Variants in TTI1 observed in about 807,000 individuals in gnomAD.
The protein encoded by TTI1 is TELO2 interacting protein 1, also known as TELO2-interacting protein 1 homolog.
TTI1 carries 52 observed loss-of-function variants against 85.4 expected under a neutral mutation model. The ratio of observed to expected loss-of-function variants is 0.61; its 90% confidence interval spans 0.49 to 0.77. The LOEUF is 0.77. TTI1 is among the 30% of genes least tolerant of loss of function. The pLI is 0.00. For synonymous variants in TTI1, 512 were observed against 503.9 expected, an observed-to-expected ratio of 1.02 and a Z score of -0.22; for missense variants, 1,173 against 1,296.0, an observed-to-expected ratio of 0.91 and a Z score of 1.46.
intron 6 of TTI1, 81 bp downstream of exon 6, chr20:37,996,668 C>T: frequency 6.7e-7 from 1 of 1,500,370 alleles, no homozygotes. Flanking sequence ...GGGAGGGGGG[C>T]ACGACTGAGC....
At chr20:38,027,386 ACT>A in intron 1 of TTI1, among the ~76,000 whole-genome samples, 1 of 152,182 alleles carries the variant, frequency 6.6e-6, no homozygotes, top group East Asian at 1.9e-4. Flanking sequence ...GTTATCTTTT[ACT>A]TTTTATTTTT....
intron 1 of TTI1, among the ~76,000 whole-genome samples, chr20:38,023,234 C>T (rs1282958212): frequency 6.6e-6 from 1 of 152,180 alleles, no homozygotes; most frequent in Admixed American, 6.5e-5. Context: ...TGGGATTCAT[C>T]TCAAGCCCGC....
intron 2 of TTI1, among the ~76,000 whole-genome samples, chr20:38,010,226 C>A (rs73096501): frequency 6.6e-6 from 1 of 152,186 alleles, no homozygotes; most frequent in African/African-American, 2.4e-5. Context: ...ACTGTCCCTG[C>A]CCCAGTTACC....
At chr20:38,002,155 A>C (rs931388226) in intron 4 of TTI1, among the ~76,000 whole-genome samples, 3 of 152,096 alleles carry the variant, frequency 2.0e-5, no homozygotes, top group African/African-American at 7.2e-5. Context: ...TATTGCAGTC[A>C]CTACTACATG....
At chr20:38,004,497 C>A (rs2073470302) in intron 3 of TTI1, among the ~76,000 whole-genome samples, 1 of 152,152 alleles carries the variant, frequency 6.6e-6, no homozygotes, top group Admixed American at 6.5e-5. Flanking sequence ...AGAAAGGGAC[C>A]TCAGATATAC....
At chr20:37,996,583 T>A (rs920058261) in intron 6 of TTI1, 121 bp from the exon 7 acceptor site, 12 of 1,408,570 alleles carry the variant, frequency 8.5e-6, no homozygotes, top group South Asian at 8.4e-5. Flanking sequence ...CTCTACTCCA[T>A]CCCGCCAAAG....
intron 1 of TTI1, among the ~76,000 whole-genome samples, chr20:38,024,283 A>G (rs2073808308): frequency 6.6e-6 from 1 of 152,108 alleles, no homozygotes; most frequent in African/African-American, 2.4e-5. Flanking sequence ...AATTCTGTTC[A>G]CACACACACA....
intron 1 of TTI1, among the ~76,000 whole-genome samples, chr20:38,014,883 G>C (rs2073658503): frequency 6.6e-6 from 1 of 152,226 alleles, no homozygotes; most frequent in Non-Finnish European, 1.5e-5. Flanking sequence ...TGGGGAAGCA[G>C]AGCATGCTGG....
Position 38,001,084 on chromosome 20 carries a change from C to T in TTI1, c.2652+1544G>A, listed in dbSNP as rs577009281. Among the ~76,000 whole-genome samples, 6 of 152,254 alleles carry T rather than the reference C, an allele frequency of 3.9e-5. No homozygotes were observed. The East Asian group carries it at 5.8e-4, about 15-fold the overall frequency. Reference sequence around the variant, plus strand: ...CCAATATGTATGAGTCTGTGTATTGCCTCTCTCCCCACAAAAGACAGGGAG... The same window carrying T: ...CCAATATGTATGAGTCTGTGTATTGTCTCTCTCCCCACAAAAGACAGGGAG... On this transcript the variant is annotated intron_variant, in intron 4 of 7. Coordinates refer to ENST00000373447, the MANE Select transcript of TTI1 (RefSeq NM_001303457.2).
intron 7 of TTI1, among the ~76,000 whole-genome samples, chr20:37,984,317 G>T (rs2073162252): frequency 6.6e-6 from 1 of 152,196 alleles, no homozygotes; most frequent in African/African-American, 2.4e-5. Context: ...GTAACCTTTG[G>T]CAGAGATAGA....
At chr20:38,011,484 A>C (rs2073586239) in intron 2 of TTI1, 31 bp downstream of exon 2, 1 of 1,604,328 alleles carries the variant, frequency 6.2e-7, no homozygotes, top group African/African-American at 1.3e-5. Context: ...TGTCCCCCAC[A>C]CATCAGCATT....
At chr20:38,005,743 C>T (rs2073486801) in intron 3 of TTI1, 1 of 152,116 alleles carries the variant, frequency 6.6e-6, no homozygotes, top group African/African-American at 2.4e-5. Context: ...ATATCCTTGA[C>T]CCAGAAATCC....
At position 38,011,557 on chromosome 20, in the gene TTI1, C is replaced by A. The variant is rs1395487478; in HGVS notation, c.2260G>T (p.Ala754Ser). ...GCATGCAGAACGCTGACAAAGGAAGCAGCTCTCTTATCGTAAAATTGGTCC... is the reference window on the plus strand; with the variant it reads ...GCATGCAGAACGCTGACAAAGGAAGAAGCTCTCTTATCGTAAAATTGGTCC... ...TLDQFYDKRA[A>S]SFVSVLHALM... Residue 754 changes from alanine (A) to serine (S), a missense_variant, in exon 2 of 8, where the codon GCT becomes TCT. Transcript: ENST00000373447. 3.7e-6 allele frequency: 6 copies of A among 1,614,076 alleles called. No homozygotes were observed. The highest frequency in any genetic ancestry group is 8.5e-7 in the Non-Finnish European group (1 of 1,180,030).
At chr20:38,031,961 G>C (rs1328936291) in intron 1 of TTI1, among the ~76,000 whole-genome samples, 1 of 152,208 alleles carries the variant, frequency 6.6e-6, no homozygotes, top group Non-Finnish European at 1.5e-5. Flanking sequence ...GTATATGACA[G>C]TGTTATTAAT....
At chr20:38,017,404 T>TTGTGTGTGTGTGTG (rs66542554) in intron 1 of TTI1, among the ~76,000 whole-genome samples, 130 of 146,240 alleles carry the variant, frequency 8.9e-4, no homozygotes, top group African/African-American at 2.7e-3. Context: ...AATCAATAGC[T>TTGTGTGTGTGTGTG]TGTGTGTGTG....
chr20:38,029,107 A>C (rs1386752020), intron 1 of TTI1, among the ~76,000 whole-genome samples: 4 of 152,168 alleles, frequency 2.6e-5, no homozygotes, highest in African/African-American at 9.7e-5. Context: ...ACAGAGTGAC[A>C]TTCCCCAGCC....
chr20:37,987,523 T>C, intron 7 of TTI1: 1 of 371,048 alleles, frequency 2.7e-6, no homozygotes, highest in Non-Finnish European at 5.3e-6. Flanking sequence ...CAGGCCCAAA[T>C]CAGTGGCTCC....
Position 38,013,726 on chromosome 20 carries a change from CCA to C in TTI1, c.89_90del (p.Val30GlyfsTer12), listed in dbSNP as rs1306431517. On this transcript the variant is annotated frameshift_variant, in exon 2 of 8. Transcript: ENST00000373447. LOFTEE classifies it high-confidence loss of function. ...QLTKTQTVEN[V>X]EHLQTRLQAV... is the part of the protein sequence containing the mutation. ...GCTTGTAGTCGTGTCTGCAGATGCT[CCA>C]CATTCTCCACTGTCTGGGTCTTTGT... 6.2e-7 allele frequency: 1 copy of C among 1,614,044 alleles called. No individual in the cohort carries two copies. Among genetic ancestry groups the C allele is most frequent in the Non-Finnish European group, 8.5e-7 (1 of 1,180,034 alleles).
In TTI1 at chr20:37,996,771, G is replaced by C; in HGVS notation, c.2976C>G (p.Pro992=). 1 of 1,612,042 alleles carries C rather than the reference G, an allele frequency of 6.2e-7. No homozygotes were observed. Among genetic ancestry groups the C allele is most frequent in the Non-Finnish European group, 8.5e-7 (1 of 1,178,428 alleles). The change falls in exon 6 of 8, where the codon CCC becomes CCG. Residue 992 remains proline (P), a synonymous_variant. Transcript: ENST00000373447. ...LQLAVLQGLG[P]LCERLDLGEG... ...CACCTAGGTCCAGTCTCTCACAGAGGGGGCCCAGGCCCTGTAAGACAGCCA... is the reference window on the plus strand; with the variant it reads ...CACCTAGGTCCAGTCTCTCACAGAGCGGGCCCAGGCCCTGTAAGACAGCCA...
Sources: gnomAD v4.1 joint callset for allele counts (sites outside exome capture counted in the v4.1 genomes callset) on GRCh38, gnomAD v4.1.1 for gene constraint, MANE v1.5 for transcripts, NCBI Gene and HGNC (gene_info 2026-07-23, HGNC 2026-07-21) for gene names.